The following ZC3H14 variants were observed in gnomAD, a reference collection of about 807,000 sequenced individuals.
ZC3H14 encodes zinc finger CCCH domain-containing protein 14.
In ZC3H14, 31 loss-of-function variants were observed where a neutral mutation model predicts 92.4. The ratio of observed to expected loss-of-function variants is 0.34; its 90% CI spans 0.25 to 0.45. The LOEUF is 0.45. Among genes scored for constraint, ZC3H14 ranks in the 20% least tolerant of loss-of-function variants. The pLI is 1.00. For missense variants in ZC3H14, 781 were observed against 897.3 expected, an observed-to-expected ratio of 0.87 and a Z score of 1.66; for synonymous variants, 321 against 300.9, an observed-to-expected ratio of 1.07 and a Z score of -0.69.
chr14:88,577,608 C>A (rs1366968989), intron 8 of ZC3H14, among the ~76,000 whole-genome samples: 2 of 151,936 alleles, frequency 1.3e-5, no homozygotes, highest in East Asian at 3.9e-4. Context: ...CACTCTGTTG[C>A]CCAGGCTGGA....
chr14:88,579,467 G>T (rs2081612609), intron 9 of ZC3H14, among the ~76,000 whole-genome samples: 1 of 152,182 alleles, frequency 6.6e-6, no homozygotes, highest in Non-Finnish European at 1.5e-5. Context: ...GACTGCAGTG[G>T]TCTACTCCCT....
At chr14:88,594,729 G>T in intron 9 of ZC3H14, 1 of 1,613,938 alleles carries the variant, frequency 6.2e-7, no homozygotes, top group South Asian at 1.1e-5. Context: ...TCACCTTTAT[G>T]AGAATGTCTT....
At chr14:88,598,144 G>T (rs1482665148) in intron 10 of ZC3H14, among the ~76,000 whole-genome samples, 1 of 152,062 alleles carries the variant, frequency 6.6e-6, no homozygotes, top group Admixed American at 6.5e-5. Flanking sequence ...GATGTCTGGG[G>T]ATCCTAGGTG....
chr14:88,599,575 T>A (rs1294857133), intron 10 of ZC3H14, among the ~76,000 whole-genome samples: 45 of 152,204 alleles, frequency 3.0e-4, no homozygotes, highest in Admixed American at 2.9e-3. Flanking sequence ...CCCTGGAGCA[T>A]GTTACACTTG....
chr14:88,610,724 C>T, intron 15 of ZC3H14, 110 bp from the exon 16 acceptor site: 1 of 1,084,736 alleles, frequency 9.2e-7, no homozygotes, highest in South Asian at 1.3e-5. Flanking sequence ...GGTCATGCCA[C>T]TTCACTCCAG....
chr14:88,572,587 C>A lies in ZC3H14; in HGVS notation c.441C>A (p.Tyr147Ter). 6.2e-7 allele frequency: 1 copy of A among 1,614,100 alleles called. No homozygotes were observed. The highest frequency in any genetic ancestry group is 8.5e-7 in the Non-Finnish European group (1 of 1,180,022). ...ESKTTNVRQT[Y>*]DDGAATRLMS... is the part of the protein sequence containing the mutation. ...TTGTTCTTTTAAATAGACAGACTTA[C>A]GATGATGGAGCTGCAACCCGACTAA... The change falls in exon 6 of 17, where the codon TAC becomes TAA. Residue 147 changes from tyrosine (Y) to a stop codon, truncating the protein, a stop_gained. Transcript: ENST00000251038. LOFTEE classifies it high-confidence loss of function.
Position 88,618,818 on chromosome 14 carries a change from TCAAAA to T in ZC3H14, c.*7074_*7078del, listed in dbSNP as rs1227845044. 1 of 1,568,558 alleles carries T rather than the reference TCAAAA, an allele frequency of 6.4e-7. No homozygotes were observed. The highest frequency in any genetic ancestry group is 1.4e-5 in the African/African-American group (1 of 73,710). On this transcript the variant is annotated 3_prime_UTR_variant, in exon 17 of 17. Coordinates refer to ENST00000251038, the MANE Select transcript of ZC3H14 (RefSeq NM_024824.5). ...ACCGGGAATCCGGACTAAATCTGAA[TCAAAA>T]CAAAACGTAAAAAGTATTAGACCAC...
chr14:88,611,571 T>TTATC (rs1317873970), intron 16 of ZC3H14, among the ~76,000 whole-genome samples, 174 bp from the exon 17 acceptor site: 1 of 152,226 alleles, frequency 6.6e-6, no homozygotes, highest in Non-Finnish European at 1.5e-5. Context: ...ACATATGGTA[T>TTATC]TATCTTTTAT....
intron 9 of ZC3H14, among the ~76,000 whole-genome samples, chr14:88,583,768 G>A (rs1020717669): frequency 6.6e-6 from 1 of 152,114 alleles, no homozygotes; most frequent in East Asian, 1.9e-4. Flanking sequence ...ATGCATTTTG[G>A]AAGAAAGTGG....
At chr14:88,574,981 G>T in intron 7 of ZC3H14, 128 bp downstream of exon 7, 1 of 1,423,034 alleles carries the variant, frequency 7.0e-7, no homozygotes, top group Non-Finnish European at 9.6e-7. Flanking sequence ...CTGTCAACCA[G>T]GCTGGAGTGC....
At chr14:88,607,026 T>C (rs2085517760) in intron 12 of ZC3H14, among the ~76,000 whole-genome samples, 1 of 152,188 alleles carries the variant, frequency 6.6e-6, no homozygotes, top group Non-Finnish European at 1.5e-5. Context: ...GTCACTGTCC[T>C]CTTTCCTTTT....
intron 6 of ZC3H14, 23 bp from the exon 7 acceptor site, chr14:88,574,670 G>A: frequency 6.2e-7 from 1 of 1,613,776 alleles, no homozygotes; most frequent in Non-Finnish European, 8.5e-7. Flanking sequence ...GATTAGGTAA[G>A]CATAAATTTT....
intron 2 of ZC3H14, among the ~76,000 whole-genome samples, chr14:88,564,612 T>G (rs974666272): frequency 1.3e-5 from 2 of 152,218 alleles, no homozygotes; most frequent in African/African-American, 4.8e-5. Flanking sequence ...GGTGGTGGTG[T>G]TTGGATTGTG....
Position 88,620,905 on chromosome 14 carries a change from A to G in ZC3H14, c.*9154A>G. ...CACACAGTACGAGCAGCATGTCCCA[A>G]ATTCACTTTGTTTAACATCTTCTGC... On this transcript the variant is annotated 3_prime_UTR_variant, in exon 17 of 17. Coordinates refer to ENST00000251038, the MANE Select transcript of ZC3H14 (RefSeq NM_024824.5). This position sits in a 1 kb window ranked among gnomAD's most constrained non-coding sequence, Gnocchi z 4.3. 1 of 1,520,220 alleles carries G rather than the reference A, an allele frequency of 6.6e-7. No homozygotes were observed. Among genetic ancestry groups the G allele is most frequent in the Non-Finnish European group, 8.8e-7 (1 of 1,140,462 alleles). The allele number at this position is 1,520,220 out of a possible 1,614,324, so 94.2% of individuals were successfully genotyped here.
chr14:88,563,616 C>G, intron 1 of ZC3H14, 35 bp from the exon 2 acceptor site: 1 of 1,612,978 alleles, frequency 6.2e-7, no homozygotes, highest in South Asian at 1.1e-5. Context: ...CTAGAGCCGC[C>G]TTTCTCACAT....
chr14:88,574,722 T>A lies in ZC3H14; in HGVS notation c.891T>A (p.Pro297=), dbSNP rs1198918288. ...AAAACTTTCGGAAGAGAAAGTTGCCTGTGGTAAGTTCAGTTGTTAAAGTAA... is the reference window on the plus strand; with the variant it reads ...AAAACTTTCGGAAGAGAAAGTTGCCAGTGGTAAGTTCAGTTGTTAAAGTAA... ...EDENFRKRKL[P]VVSSVVKVKK... The change falls in exon 7 of 17, where the codon CCT becomes CCA. Residue 297 remains proline (P), a synonymous_variant. Transcript: ENST00000251038. The A allele has an allele frequency of 6.2e-7, 1 of 1,614,160 alleles. No individual in the cohort carries two copies. Among genetic ancestry groups the A allele is most frequent in the South Asian group, 1.1e-5 (1 of 91,084 alleles).
Position 88,611,884 on chromosome 14 carries a change from A to C in ZC3H14, c.*133A>C. 3 of 1,250,514 alleles carry C rather than the reference A, an allele frequency of 2.4e-6. No individual in the cohort carries two copies. The highest frequency in any genetic ancestry group is 2.6e-5 in the South Asian group (2 of 75,664). 77.5% of individuals were successfully genotyped at this position (1,250,514 alleles called of 1,614,324 possible). ...TTCATAATATGAAGTTTTATTGCCT[A>C]TCTATCTGAAGTGTCTAATTTTTCA... On this transcript the variant is annotated 3_prime_UTR_variant, in exon 17 of 17. Transcript: ENST00000251038.
intron 9 of ZC3H14, chr14:88,591,980 A>T (rs1004902114): frequency 6.6e-6 from 1 of 152,230 alleles, no homozygotes; most frequent in South Asian, 2.1e-4. Context: ...GGTAGCATTT[A>T]CTTCAGAGTT....
In ZC3H14 at chr14:88,617,061, A is replaced by C; in HGVS notation, c.*5310A>C. On this transcript the variant is annotated 3_prime_UTR_variant, in exon 17 of 17. Coordinates refer to ENST00000251038, the MANE Select transcript of ZC3H14 (RefSeq NM_024824.5). ...TCAGGATATCAACTCCTGCCTTTTA[A>C]AAATGACATTTTATAATTTGAAGGG... 1 of 472,466 alleles carries C rather than the reference A, an allele frequency of 2.1e-6. No individual in the cohort carries two copies. The highest frequency in any genetic ancestry group is 3.7e-6 in the Non-Finnish European group (1 of 268,540). 29.3% of individuals were successfully genotyped at this position (472,466 alleles called of 1,614,324 possible).
Sources: gnomAD v4.1 joint callset for allele counts (sites outside exome capture counted in the v4.1 genomes callset) on GRCh38, gnomAD v4.1.1 for gene constraint, Gnocchi (gnomAD v3.1) non-coding constraint, MANE v1.5 for transcripts, NCBI Gene and HGNC (gene_info 2026-07-23, HGNC 2026-07-21) for gene names.